The following LIN7A variants were observed in gnomAD, a reference collection of about 807,000 sequenced individuals.
LIN7A encodes the protein protein lin-7 homolog A.
Under a neutral mutation model 29.8 loss-of-function variants are expected in LIN7A, and 25 were observed. The observed-to-expected ratio is 0.84, with a 90% CI of 0.61 to 1.17. The LOEUF is 1.17. LIN7A is among the 50% of genes most tolerant of loss of function. The pLI, the probability that LIN7A is intolerant of heterozygous loss-of-function variation, is 0.00. For synonymous variants in LIN7A, 118 were observed against 107.5 expected (o/e 1.10, Z -0.60); for missense variants, 239 against 287.0 (o/e 0.83, Z 1.21).
chr12:80,901,879 A>T (rs1876231894), intron 1 of LIN7A, among the ~76,000 whole-genome samples: 1 of 152,112 alleles, frequency 6.6e-6, no homozygotes, highest in Admixed American at 6.6e-5. Flanking sequence ...TGATGAGGTT[A>T]GTGTGGTGCT....
chr12:80,886,502 A>G (rs903510268), intron 2 of LIN7A, among the ~76,000 whole-genome samples: 30 of 152,166 alleles, frequency 2.0e-4, no homozygotes, highest in African/African-American at 7.0e-4. Flanking sequence ...AAGAAATTCC[A>G]AACTTAGCAA....
intron 1 of LIN7A, among the ~76,000 whole-genome samples, chr12:80,936,232 T>C (rs1449566540): frequency 2.0e-5 from 3 of 152,238 alleles, no homozygotes; most frequent in Admixed American, 6.5e-5. Flanking sequence ...CTGTTATTAA[T>C]TTTGCCAGCT....
At chr12:80,927,554 T>A (rs1008347289) in intron 1 of LIN7A, among the ~76,000 whole-genome samples, 6 of 152,176 alleles carry the variant, frequency 3.9e-5, no homozygotes, top group Admixed American at 3.9e-4. Context: ...TGGAAATTCA[T>A]TGGGTATTTT....
chr12:80,900,855 C>A (rs1876175561), intron 1 of LIN7A, among the ~76,000 whole-genome samples: 1 of 152,030 alleles, frequency 6.6e-6, no homozygotes, highest in African/African-American at 2.4e-5. Context: ...AATATGAATT[C>A]TAAGAAGATG....
chr12:80,874,660 C>T (rs1045506740), intron 2 of LIN7A, among the ~76,000 whole-genome samples: 2 of 152,162 alleles, frequency 1.3e-5, no homozygotes, highest in Non-Finnish European at 2.9e-5. Context: ...GTGCAATTTT[C>T]CTATTTTAAC....
At chr12:80,897,871 T>A (rs1222776043) in intron 1 of LIN7A, among the ~76,000 whole-genome samples, 2 of 152,178 alleles carry the variant, frequency 1.3e-5, no homozygotes, top group African/African-American at 2.4e-5. Context: ...AATATTGATT[T>A]ATTATTTGCA....
chr12:80,880,215 G>A (rs1000744040), intron 2 of LIN7A, among the ~76,000 whole-genome samples: 4 of 152,048 alleles, frequency 2.6e-5, no homozygotes, highest in African/African-American at 9.7e-5. Context: ...TGTTTCCAGA[G>A]CCACCCTACT....
intron 1 of LIN7A, among the ~76,000 whole-genome samples, chr12:80,912,725 A>AAAAG (rs1555229538): frequency 1.4e-5 from 2 of 145,544 alleles, no homozygotes; most frequent in African/African-American, 4.9e-5. Flanking sequence ...AAAAAAAAAA[A>AAAAG]AAAAGAAAAG....
At chr12:80,882,104 A>T (rs1442910282) in intron 2 of LIN7A, among the ~76,000 whole-genome samples, 1 of 152,076 alleles carries the variant, frequency 6.6e-6, no homozygotes, top group East Asian at 1.9e-4. Context: ...ATCCATTTAA[A>T]AATATTGCAT....
At chr12:80,810,684 T>A (rs1036284657) in intron 5 of LIN7A, among the ~76,000 whole-genome samples, 1 of 152,224 alleles carries the variant, frequency 6.6e-6, no homozygotes, top group Non-Finnish European at 1.5e-5. Context: ...TCAAATTGGC[T>A]GTAGCAATTT....
chr12:80,860,621 A>T (rs1437184557), intron 2 of LIN7A, among the ~76,000 whole-genome samples: 1 of 152,174 alleles, frequency 6.6e-6, no homozygotes, highest in Non-Finnish European at 1.5e-5. Context: ...TGCTGGCAGG[A>T]ATCAAAGTCT....
At chr12:80,887,942 A>T (rs1875417584) in intron 2 of LIN7A, among the ~76,000 whole-genome samples, 1 of 152,122 alleles carries the variant, frequency 6.6e-6, no homozygotes, top group African/African-American at 2.4e-5. Flanking sequence ...AAGGAAGAAA[A>T]CAGAGTATGC....
chr12:80,800,785 A>T (rs1021935934), intron 5 of LIN7A, among the ~76,000 whole-genome samples: 3 of 152,026 alleles, frequency 2.0e-5, no homozygotes, highest in Admixed American at 6.6e-5. Flanking sequence ...AAGCCAGACG[A>T]AGACACTAGA....
At chr12:80,903,547 G>A (rs1432877445) in intron 1 of LIN7A, among the ~76,000 whole-genome samples, 1 of 151,986 alleles carries the variant, frequency 6.6e-6, no homozygotes, top group Non-Finnish European at 1.5e-5. Context: ...TTTTATGACT[G>A]AATAGTATTG....
chr12:80,820,630 T>TACACAC (rs3072333), intron 4 of LIN7A, among the ~76,000 whole-genome samples: 136 of 147,516 alleles, frequency 9.2e-4, no homozygotes, highest in African/African-American at 1.6e-3. Flanking sequence ...GAAGATTAAA[T>TACACAC]ACACACACAC....
intron 1 of LIN7A, chr12:80,935,975 C>G (rs988257697): frequency 3.6e-5 from 8 of 220,608 alleles, no homozygotes; most frequent in African/African-American, 6.7e-5. Context: ...CCCAGGTATG[C>G]AATCTTCTTG....
chr12:80,799,961 A>G (rs1004255658), intron 5 of LIN7A, among the ~76,000 whole-genome samples: 11 of 152,166 alleles, frequency 7.2e-5, no homozygotes, highest in African/African-American at 2.4e-4. Flanking sequence ...AGCCTAGGCA[A>G]CATAGCAAGA....
In LIN7A at chr12:80,937,934, T is replaced by C; in HGVS notation, c.-212A>G. The C allele has an allele frequency of 2.3e-6, 1 of 429,654 alleles. No homozygotes were observed. The highest frequency in any genetic ancestry group is 4.1e-6 in the Non-Finnish European group (1 of 241,920). 26.6% of individuals were successfully genotyped at this position (429,654 alleles called of 1,614,324 possible). ...AGCTGAGCAGGTATCCGAGAGCGAC[T>C]GCATCGCCGGGCTCTGGGAGGGAAG... On this transcript the variant is annotated 5_prime_UTR_variant, in exon 1 of 6. Transcript: ENST00000552864.
At chr12:80,854,005 A>T (rs1873465709) in intron 2 of LIN7A, among the ~76,000 whole-genome samples, 1 of 152,128 alleles carries the variant, frequency 6.6e-6, no homozygotes, top group Non-Finnish European at 1.5e-5. Flanking sequence ...GAAGAACTAG[A>T]ACTCTTGAAC....
Sources: gnomAD v4.1 joint callset for allele counts (sites outside exome capture counted in the v4.1 genomes callset) on GRCh38, gnomAD v4.1.1 for gene constraint, MANE v1.5 for transcripts, NCBI Gene and HGNC (gene_info 2026-07-23, HGNC 2026-07-21) for gene names.